NOA1: variants seen among roughly 807,000 people sequenced by gnomAD.
The protein encoded by NOA1 is nitric oxide-associated protein 1.
In NOA1, 35 loss-of-function variants were observed where a neutral mutation model predicts 58.4. The observed-to-expected ratio is 0.60, with a 90% CI of 0.46 to 0.79. NOA1 has a LOEUF of 0.79. Ranked by LOEUF, NOA1 falls within the 30% of genes least tolerant of loss-of-function variation. The pLI is 0.00. For synonymous variants in NOA1, 397 were observed against 373.4 expected (o/e 1.06, Z -0.73); for missense variants, 895 against 894.6 (o/e 1.00, Z -0.01).
intron 1 of NOA1, among the ~76,000 whole-genome samples, chr4:56,975,312 T>C (rs1229452858): frequency 6.7e-6 from 1 of 150,358 alleles, no homozygotes; most frequent in Non-Finnish European, 1.5e-5. Context: ...TGTGAGCCAC[T>C]GAGCCCGGCA....
intron 1 of NOA1, among the ~76,000 whole-genome samples, chr4:56,975,551 G>A (rs1049271495): frequency 3.3e-5 from 5 of 151,292 alleles, no homozygotes; most frequent in Non-Finnish European, 7.4e-5. Context: ...AGACCAGCCT[G>A]GCCAACAAGG....
At chr4:56,975,652 C>T (rs1022067200) in intron 1 of NOA1, among the ~76,000 whole-genome samples, 11 of 152,010 alleles carry the variant, frequency 7.2e-5, no homozygotes, top group Middle Eastern at 3.4e-3. Context: ...CTGAGGCGGG[C>T]GGATCACGAG....
chr4:56,975,978 C>T (rs1174054881), intron 1 of NOA1, among the ~76,000 whole-genome samples: 1 of 152,096 alleles, frequency 6.6e-6, no homozygotes, highest in Non-Finnish European at 1.5e-5. Context: ...ACCCGGGAGG[C>T]GGAGGTTGCA....
chr4:56,968,891 G>A (rs1464222001), intron 3 of NOA1, among the ~76,000 whole-genome samples: 1 of 152,166 alleles, frequency 6.6e-6, no homozygotes, highest in Non-Finnish European at 1.5e-5. Context: ...AGCAATTTCC[G>A]CTTAAAGTAA....
Position 56,963,578 on chromosome 4 carries a change from G to C in NOA1, c.1969C>G (p.Pro657Ala), listed in dbSNP as rs1231690830. The C allele has an allele frequency of 1.2e-6, 2 of 1,613,944 alleles. No homozygotes were observed. The highest frequency in any genetic ancestry group is 1.1e-5 in the South Asian group (1 of 91,074). The part of the protein sequence containing the change: ...TPEGTVLTVR[P>A]PLLPYIVNIK... ...TTAACAATATATGGCAAGAGAGGGG[G>C]CCGGACGGTCAAAACTGTTCCTTCA... Residue 657 changes from proline to alanine, a missense_variant, in exon 7 of 7, where the codon CCC becomes GCC. Around this residue, in one of 3 missense-constraint regions of NOA1, gnomAD observed 212 missense variants for 221.3 expected, o/e 0.96. Coordinates refer to ENST00000264230, the MANE Select transcript of NOA1 (RefSeq NM_032313.4).
At chr4:56,974,421 G>A (rs1187115237) in intron 1 of NOA1, among the ~76,000 whole-genome samples, 1 of 152,182 alleles carries the variant, frequency 6.6e-6, no homozygotes, top group Non-Finnish European at 1.5e-5. Context: ...GGAGGCCCAG[G>A]CGGGTGGATC....
chr4:56,975,776 T>G (rs943762607), intron 1 of NOA1, among the ~76,000 whole-genome samples: 1 of 152,176 alleles, frequency 6.6e-6, no homozygotes, highest in East Asian at 1.9e-4. Context: ...CTCAGGAGGC[T>G]GAGGGAGGAG....
At position 56,973,848 on chromosome 4, in the gene NOA1, G is replaced by A. The variant is rs1430561735; in HGVS notation, c.1309+10C>T. The A allele has an allele frequency of 6.2e-7, 1 of 1,613,352 alleles. No individual in the cohort carries two copies. Among genetic ancestry groups the A allele is most frequent in the Non-Finnish European group, 8.5e-7 (1 of 1,179,548 alleles). ...GTACCAACGAGGGTTTTCCCATAGAGGATGCTTACCTACGACATAACCATG... is the reference window on the plus strand; with the variant it reads ...GTACCAACGAGGGTTTTCCCATAGAAGATGCTTACCTACGACATAACCATG... On this transcript the variant is annotated intron_variant, in intron 2 of 6. Coordinates refer to ENST00000264230, the MANE Select transcript of NOA1 (RefSeq NM_032313.4).
In NOA1 at chr4:56,963,449, C is replaced by A; in HGVS notation, c.*1G>T. 1 of 1,612,644 alleles carries A rather than the reference C, an allele frequency of 6.2e-7. No homozygotes were observed. The highest frequency in any genetic ancestry group is 1.1e-5 in the South Asian group (1 of 91,040). On this transcript the variant is annotated 3_prime_UTR_variant, in exon 7 of 7. Transcript: ENST00000264230. Reference sequence around the variant, plus strand: ...AATATCTGGAGTGAACAAGGTCGGTCTCATACATTTATCTTTCCTTTCTTC... The same window carrying A: ...AATATCTGGAGTGAACAAGGTCGGTATCATACATTTATCTTTCCTTTCTTC...
rs144542664 is a variant in NOA1, at chr4:56,965,809, C to T, written c.1764+811G>A. On this transcript the variant is annotated intron_variant, in intron 5 of 6. Transcript: ENST00000264230. The stretch of plus-strand genomic sequence containing the variant: ...GGCACTCAAAATGTGGCTGGTGACA[C>T]TAAGCAACCATATTTTAAATTTTCC... 1.9e-3 allele frequency among the ~76,000 whole-genome samples: 273 copies of T among 145,648 alleles called. 1 individual carries two copies. Among genetic ancestry groups the T allele is most frequent in the Non-Finnish European group, 3.3e-3 (220 of 66,700 alleles).
intron 5 of NOA1, among the ~76,000 whole-genome samples, chr4:56,965,320 T>C (rs1226927752): frequency 6.6e-6 from 1 of 152,128 alleles, no homozygotes; most frequent in Non-Finnish European, 1.5e-5. Context: ...GGTAATTTAT[T>C]CATCTATTCA....
Position 56,963,529 on chromosome 4 carries a change from T to G in NOA1, c.2018A>C (p.Lys673Thr), listed in dbSNP as rs775802734. 10 of 1,614,006 alleles carry G rather than the reference T, an allele frequency of 6.2e-6. No individual in the cohort carries two copies. Among genetic ancestry groups the G allele is most frequent in the Non-Finnish European group, 7.6e-6 (9 of 1,180,036 alleles). The change falls in exon 7 of 7, where the codon AAA (lysine) becomes ACA (threonine). Residue 673 changes from lysine (K) to threonine (T), a missense_variant. This residue lies in a region of NOA1 where 212 missense variants were observed against 221.3 expected (regional missense o/e 0.96). Transcript: ENST00000264230. ...CTTCTTGGTTTTATAGGCCACACTT[T>G]TCTTGATGCGCTGTCCTTTGATGTT... ...IVNIKGQRIK[K>T]SVAYKTKKPP... is the part of the protein sequence containing the mutation.
intron 3 of NOA1, among the ~76,000 whole-genome samples, chr4:56,972,560 A>G (rs1721828422): frequency 1.3e-5 from 2 of 152,218 alleles, no homozygotes; most frequent in African/African-American, 4.8e-5. Context: ...AGAGAAGGTC[A>G]AAGACCCAAA....
chr4:56,974,753 C>T lies in NOA1; in HGVS notation c.1145-731G>A, dbSNP rs192628199. Among the ~76,000 whole-genome samples, 5 of 152,056 alleles carry T rather than the reference C, an allele frequency of 3.3e-5. No homozygotes were observed. In the East Asian group the frequency reaches 7.8e-4, roughly 24 times the overall value. On this transcript the variant is annotated intron_variant, in intron 1 of 6. Transcript: ENST00000264230. ...TTTGAGACAGCGTCTTGCTCTGTTG[C>T]CCAGGCTGGAGTGCAGTGGTGTGAT... is the stretch of plus-strand genomic sequence containing the variant.
intron 5 of NOA1, 55 bp downstream of exon 5, chr4:56,966,565 G>A: frequency 1.9e-6 from 2 of 1,033,062 alleles, no homozygotes; most frequent in South Asian, 1.3e-5. Context: ...CAGAGCTATG[G>A]GACCATCCCA....
chr4:56,966,315 A>C (rs1466390462), intron 5 of NOA1, among the ~76,000 whole-genome samples: 1 of 152,154 alleles, frequency 6.6e-6, no homozygotes, highest in Non-Finnish European at 1.5e-5. Flanking sequence ...GTGAGCCACC[A>C]CACCTGGCCA....
chr4:56,965,835 C>CTTTT lies in NOA1; in HGVS notation c.1764+781_1764+784dup, dbSNP rs10638725. 1.0e-4 allele frequency among the ~76,000 whole-genome samples: 12 copies of CTTTT among 115,070 alleles called. 3 individuals carry two copies. Among genetic ancestry groups the CTTTT allele is most frequent in the Middle Eastern group, 9.3e-3 (2 of 214 alleles). The allele number at this position is 115,070 out of a possible 152,430, so 75.5% of individuals were successfully genotyped here. On this transcript the variant is annotated intron_variant, in intron 5 of 6. Coordinates refer to ENST00000264230, the MANE Select transcript of NOA1 (RefSeq NM_032313.4). The stretch of plus-strand genomic sequence containing the variant: ...TAAGCAACCATATTTTAAATTTTCC[C>CTTTT]TTTTTTTTTTTTTTTTTTAGAGACA...
At chr4:56,971,146 C>G (rs188469507) in intron 3 of NOA1, among the ~76,000 whole-genome samples, 1 of 151,884 alleles carries the variant, frequency 6.6e-6, no homozygotes, top group Non-Finnish European at 1.5e-5. Context: ...AACCCTGTCT[C>G]TATTAAAAAT....
chr4:56,968,567 T>C, intron 3 of NOA1, 52 bp from the exon 4 acceptor site: 1 of 1,382,654 alleles, frequency 7.2e-7, no homozygotes, highest in Middle Eastern at 1.8e-4. Context: ...GAAAATATGA[T>C]ATATTATGAT....
Sources: gnomAD v4.1 joint callset for allele counts (sites outside exome capture counted in the v4.1 genomes callset) on GRCh38, gnomAD v4.1.1 for gene constraint, gnomAD v4.1.1 regional missense constraint, MANE v1.5 for transcripts, NCBI Gene and HGNC (gene_info 2026-07-23, HGNC 2026-07-21) for gene names.